RNF157: variants seen among roughly 807,000 people sequenced by gnomAD.
The protein encoded by RNF157 is ring finger protein 157, also known as E3 ubiquitin ligase RNF157.
RNF157 carries 55 observed loss-of-function variants against 88.3 expected under a neutral mutation model. That is an observed-to-expected ratio of 0.62 (90% CI 0.50 to 0.78). The LOEUF (loss-of-function observed/expected upper bound fraction) is 0.78. RNF157 is among the 30% of genes least tolerant of loss of function. The pLI is 0.00. For missense variants in RNF157, 788 were observed against 860.8 expected, an observed-to-expected ratio of 0.92 and a Z score of 1.06; for synonymous variants, 334 against 341.2, an observed-to-expected ratio of 0.98 and a Z score of 0.23.
chr17:76,161,505 A>C lies in RNF157; in HGVS notation c.1065+30T>G. ...AAAAAGCCAATGAGGCATTTGCTTC[A>C]GAGGGGCCGTGGTTCCGAGCCCAAC... On this transcript the variant is annotated intron_variant, in intron 11 of 18. Transcript: ENST00000269391. This position sits in a 1 kb window ranked among gnomAD's most constrained non-coding sequence, Gnocchi z 4.6. 10 of 1,534,896 alleles carry C rather than the reference A, an allele frequency of 6.5e-6. No individual in the cohort carries two copies. Among genetic ancestry groups the C allele is most frequent in the Non-Finnish European group, 9.0e-6 (10 of 1,107,824 alleles).
At chr17:76,232,501 T>G (rs901369316) in intron 1 of RNF157, among the ~76,000 whole-genome samples, 1 of 152,240 alleles carries the variant, frequency 6.6e-6, no homozygotes, top group Non-Finnish European at 1.5e-5. Context: ...CACCAGCTGA[T>G]GTACACTTGG....
chr17:76,154,593 G>GT, intron 16 of RNF157: 1 of 398,150 alleles, frequency 2.5e-6, no homozygotes, highest in Non-Finnish European at 4.5e-6. Flanking sequence ...CTTGTTAATA[G>GT]TTTAGCTGAT....
At chr17:76,184,253 C>T (rs1329896851) in intron 2 of RNF157, among the ~76,000 whole-genome samples, 1 of 151,084 alleles carries the variant, frequency 6.6e-6, no homozygotes, top group Admixed American at 6.6e-5. Flanking sequence ...AATATTTATG[C>T]CAGAGAATCA....
intron 1 of RNF157, among the ~76,000 whole-genome samples, chr17:76,234,538 T>C (rs2070249296): frequency 6.6e-6 from 1 of 152,196 alleles, no homozygotes; most frequent in Non-Finnish European, 1.5e-5. Flanking sequence ...CTCGTCATTA[T>C]CATTTTTTAA....
chr17:76,192,537 G>A (rs1463503161), intron 2 of RNF157, among the ~76,000 whole-genome samples: 1 of 152,146 alleles, frequency 6.6e-6, no homozygotes, highest in Admixed American at 6.6e-5. Flanking sequence ...CAAGATCTTC[G>A]GAAGAGTACA....
At chr17:76,171,172 A>G (rs940782499) in intron 3 of RNF157, among the ~76,000 whole-genome samples, 62 of 150,892 alleles carry the variant, frequency 4.1e-4, no homozygotes, top group Admixed American at 9.3e-4. Flanking sequence ...GATTACAGGC[A>G]TGAGCCACTG....
chr17:76,181,600 C>G (rs536280409), intron 2 of RNF157, among the ~76,000 whole-genome samples: 1 of 152,042 alleles, frequency 6.6e-6, no homozygotes, highest in East Asian at 1.9e-4. Context: ...AATATGGCGA[C>G]TTCTTCACTA....
chr17:76,218,197 C>CA (rs1940647289), intron 1 of RNF157, among the ~76,000 whole-genome samples: 1 of 152,118 alleles, frequency 6.6e-6, no homozygotes, highest in South Asian at 2.1e-4. Context: ...GAAAGGCACC[C>CA]AGGCAAAAAG....
chr17:76,235,426 C>CTGACCT (rs918495379), intron 1 of RNF157, among the ~76,000 whole-genome samples: 3 of 152,114 alleles, frequency 2.0e-5, no homozygotes, highest in Admixed American at 2.0e-4. Flanking sequence ...TCTTGATCTC[C>CTGACCT]TGACCTCGTG....
intron 1 of RNF157, chr17:76,225,948 G>C: frequency 6.2e-7 from 1 of 1,611,702 alleles, no homozygotes; most frequent in Non-Finnish European, 8.5e-7. Context: ...GTCTTGTTTT[G>C]CTCCATTTTT....
intron 17 of RNF157, 137 bp downstream of exon 17, chr17:76,154,146 A>C (rs2068724734): frequency 2.8e-6 from 2 of 709,692 alleles, no homozygotes; most frequent in South Asian, 1.6e-5. Context: ...ACCATTAAGA[A>C]GACGATCTTT....
intron 1 of RNF157, among the ~76,000 whole-genome samples, chr17:76,219,802 T>C (rs1045992171): frequency 1.3e-5 from 2 of 151,874 alleles, no homozygotes; most frequent in Non-Finnish European, 2.9e-5. Flanking sequence ...CTGCGAAAAA[T>C]ATATCTCAAA....
chr17:76,171,370 G>A (rs1243143435), intron 3 of RNF157, among the ~76,000 whole-genome samples: 1 of 150,986 alleles, frequency 6.6e-6, no homozygotes, highest in Admixed American at 6.6e-5. Flanking sequence ...TGTATTTTTA[G>A]TAGAGACGGG....
chr17:76,209,907 A>C (rs1274677735), intron 2 of RNF157, among the ~76,000 whole-genome samples: 2 of 152,044 alleles, frequency 1.3e-5, no homozygotes, highest in African/African-American at 2.4e-5. Flanking sequence ...CTACAGGCTC[A>C]CACCACCACG....
intron 2 of RNF157, among the ~76,000 whole-genome samples, chr17:76,194,883 C>A (rs373668247): frequency 6.6e-6 from 1 of 151,996 alleles, no homozygotes; most frequent in Non-Finnish European, 1.5e-5. Context: ...GGCGTGGTGG[C>A]GGGCGCCTGT....
Position 76,164,731 on chromosome 17 carries a change from G to A in RNF157, c.720+17C>T. The A allele has an allele frequency of 3.9e-6, 6 of 1,540,918 alleles. No homozygotes were observed. The highest frequency in any genetic ancestry group is 4.5e-6 in the Non-Finnish European group (5 of 1,115,144). ...AAGGACCCTAATACTAACAGTCTGT[G>A]GTCTTCAAATACTTACTACTTGTTT... On this transcript the variant is annotated intron_variant, in intron 8 of 18. Coordinates refer to ENST00000269391, the MANE Select transcript of RNF157 (RefSeq NM_052916.3).
intron 1 of RNF157, among the ~76,000 whole-genome samples, chr17:76,228,942 C>CA (rs201291632): frequency 0.028 from 4,035 of 146,256 alleles, 180 homozygotes; most frequent in African/African-American, 0.092. Flanking sequence ...AATAATAATA[C>CA]AAAAAAAAAA....
Position 76,184,389 on chromosome 17 carries a change from T to G in RNF157, c.208-10599A>C, listed in dbSNP as rs114250938. 4.8e-3 allele frequency among the ~76,000 whole-genome samples: 737 copies of G among 152,274 alleles called. 6 individuals carry two copies. The highest frequency in any genetic ancestry group is 0.02 in the Middle Eastern group (6 of 294). On this transcript the variant is annotated intron_variant, in intron 2 of 18. Transcript: ENST00000269391. ...ATTTCATTTTTATTTGATGCCTGGT[T>G]ATTTTCCCAGCTTTCTCTGCTTCCC...
intron 1 of RNF157, among the ~76,000 whole-genome samples, chr17:76,228,092 A>T (rs982131280): frequency 3.9e-5 from 6 of 152,044 alleles, no homozygotes; most frequent in African/African-American, 1.4e-4. Flanking sequence ...GTTTTTTTCT[A>T]AAAAGAAATA....
Sources: allele counts gnomAD v4.1 joint callset (sites outside exome capture counted in the v4.1 genomes callset), GRCh38; gene constraint gnomAD v4.1.1; non-coding constraint Gnocchi (gnomAD v3.1); transcripts MANE v1.5; gene names NCBI Gene and HGNC (gene_info 2026-07-23, HGNC 2026-07-21).